Variants in ANKRD30B observed in about 807,000 individuals in gnomAD.
ANKRD30B encodes ankyrin repeat domain-containing protein 30B.
In ANKRD30B, 144 loss-of-function variants were observed where a neutral mutation model predicts 202.2. The observed-to-expected ratio is 0.71, with a 90% CI of 0.62 to 0.82. The LOEUF (loss-of-function observed/expected upper bound fraction) is 0.82. Among genes scored for constraint, ANKRD30B ranks in the 40% least tolerant of loss-of-function variants. ANKRD30B has a pLI of 0.00. For missense variants in ANKRD30B, 1,487 were observed against 1,669.1 expected (o/e 0.89, Z 1.90); for synonymous variants, 508 against 561.3 (o/e 0.91, Z 1.34).
At chr18:14,895,004 C>A in the ANKRD30B span, among the ~76,000 whole-genome samples, 14 of 152,092 alleles carry the variant, frequency 9.2e-5, no homozygotes, top group African/African-American at 3.4e-4. Flanking sequence ...TGGATGCAGC[C>A]GGAGGCCATT....
the ANKRD30B span, among the ~76,000 whole-genome samples, chr18:14,892,482 T>G: frequency 6.6e-6 from 1 of 152,126 alleles, no homozygotes; most frequent in Non-Finnish European, 1.5e-5. Context: ...CTCACACCTG[T>G]AATCCCAGCA....
the ANKRD30B span, among the ~76,000 whole-genome samples, chr18:14,933,347 G>A: frequency 6.6e-6 from 1 of 152,334 alleles, no homozygotes; most frequent in East Asian, 1.9e-4. Flanking sequence ...AGCCCCGGCA[G>A]CTCCTGTCCT....
the ANKRD30B span, chr18:14,905,997 C>T: frequency 6.6e-6 from 1 of 151,846 alleles, no homozygotes; most frequent in Non-Finnish European, 1.5e-5. Context: ...TTTGCTTGGC[C>T]CTGAAGGTGG....
chr18:14,788,584 C>T (rs1018155620), intron 15 of ANKRD30B, among the ~76,000 whole-genome samples: 1 of 152,054 alleles, frequency 6.6e-6, no homozygotes, highest in Admixed American at 6.5e-5. Context: ...GTGATGTTCC[C>T]CTTCCCATGT....
At chr18:14,924,645 G>C in the ANKRD30B span, among the ~76,000 whole-genome samples, 1 of 152,268 alleles carries the variant, frequency 6.6e-6, no homozygotes, top group Admixed American at 6.5e-5. Flanking sequence ...CGAGGTCCAT[G>C]AGGGCCCTGG....
At chr18:14,776,922 T>C (rs900420326) in intron 9 of ANKRD30B, among the ~76,000 whole-genome samples, 3 of 152,234 alleles carry the variant, frequency 2.0e-5, no homozygotes, top group Non-Finnish European at 2.9e-5. Context: ...TACAGAGTTC[T>C]ACTCCTACTC....
chr18:14,854,878 C>T (rs1319897291), downstream of ANKRD30B, among the ~76,000 whole-genome samples: 1 of 150,510 alleles, frequency 6.6e-6, no homozygotes, highest in African/African-American at 2.5e-5. Flanking sequence ...CACACACACA[C>T]ACGCTCTACC....
rs1367878029 is a variant in ANKRD30B, at chr18:14,763,848, T to C, written c.983T>C (p.Phe328Ser). The C allele has an allele frequency of 2.5e-6, 4 of 1,613,146 alleles. No homozygotes were observed. Among genetic ancestry groups the C allele is most frequent in the African/African-American group, 2.7e-5 (2 of 74,858 alleles). ...CTGGGGAAAGCAACATCTGGAAAGT[T>C]TGAACAGTCAACAGAAGAAACACCT... ...QCLGKATSGKFEQSTEETPRK... is the reference protein window; with the variant it reads ...QCLGKATSGKSEQSTEETPRK... The change falls in exon 7 of 44, where the codon TTT becomes TCT. Residue 328 changes from phenylalanine (F) to serine (S), a missense_variant. Physicochemically the swap from Phe to Ser is radical, Grantham distance 155. Coordinates refer to ENST00000690538, the MANE Select transcript of ANKRD30B (RefSeq NM_001367607.2).
At chr18:14,748,772 C>T (rs750120272) in intron 1 of ANKRD30B, 132 bp downstream of exon 1, 28 of 989,384 alleles carry the variant, frequency 2.8e-5, no homozygotes, top group Non-Finnish European at 3.6e-5. Flanking sequence ...ATGGGGCGGC[C>T]GTCCTGGGCC....
chr18:14,788,891 G>C (rs1460547681), intron 15 of ANKRD30B, among the ~76,000 whole-genome samples: 1 of 152,130 alleles, frequency 6.6e-6, no homozygotes, highest in East Asian at 1.9e-4. Flanking sequence ...ATGATTTATA[G>C]TCCTTTGGGT....
chr18:14,853,869 C>A lies in ANKRD30B; in HGVS notation c.4537C>A (p.Leu1513Ile), dbSNP rs1368673048. 6.6e-6 allele frequency among the ~76,000 whole-genome samples: 1 copy of A among 152,154 alleles called. No individual in the cohort carries two copies. The highest frequency in any genetic ancestry group is 1.9e-4 in the East Asian group (1 of 5,196). ...ADLNKQCEAS[L>I]KVTSHSHSLR... is the part of the protein sequence containing the mutation. ...TCTTAATAAACAGTGTGAGGCTTCACTAAAGGTTACATCACATTCTCACTC... is the reference window on the plus strand; with the variant it reads ...TCTTAATAAACAGTGTGAGGCTTCAATAAAGGTTACATCACATTCTCACTC... Residue 1513 changes from leucine to isoleucine, a missense_variant, in exon 43 of 44, where the codon CTA becomes ATA. Leu to Ile is a conservative substitution (Grantham distance 5, BLOSUM62 2). Coordinates refer to ENST00000690538, the MANE Select transcript of ANKRD30B (RefSeq NM_001367607.2).
intron 30 of ANKRD30B, chr18:14,816,282 T>C (rs905972805): frequency 1.3e-5 from 2 of 152,216 alleles, no homozygotes; most frequent in South Asian, 2.1e-4. Context: ...TAAATGTTTG[T>C]AGAATGTTCT....
chr18:14,918,088 G>C, the ANKRD30B span, among the ~76,000 whole-genome samples: 1 of 152,090 alleles, frequency 6.6e-6, no homozygotes, highest in Non-Finnish European at 1.5e-5. Context: ...AGAAGGGTAG[G>C]GGAAGGACTC....
chr18:14,939,990 C>T, the ANKRD30B span, among the ~76,000 whole-genome samples: 2 of 152,102 alleles, frequency 1.3e-5, no homozygotes, highest in South Asian at 2.1e-4. Context: ...ATGTGTATGC[C>T]GGGAAAATTT....
the ANKRD30B span, among the ~76,000 whole-genome samples, chr18:14,930,432 C>G: frequency 1.2e-4 from 19 of 152,272 alleles, no homozygotes; most frequent in Admixed American, 2.6e-4. Flanking sequence ...ACCCACCCCT[C>G]AAATGATTTC....
the ANKRD30B span, among the ~76,000 whole-genome samples, chr18:14,860,200 C>T: frequency 4.9e-5 from 7 of 143,414 alleles, no homozygotes; most frequent in Non-Finnish European, 9.2e-5. Context: ...AGATGATGGG[C>T]AGCAGGAGAA....
At chr18:14,834,338 T>C (rs1971083427) in intron 34 of ANKRD30B, among the ~76,000 whole-genome samples, 2 of 151,996 alleles carry the variant, frequency 1.3e-5, no homozygotes, top group South Asian at 2.1e-4. Context: ...GATACCAACA[T>C]ATTTGTATAA....
chr18:14,883,365 GTCTGTCTCTCTCTC>G, the ANKRD30B span, among the ~76,000 whole-genome samples: 23 of 105,832 alleles, frequency 2.2e-4, no homozygotes, highest in South Asian at 1.5e-3. Flanking sequence ...CTCTCTGTCT[GTCTGTCTCTCTCTC>G]TCTCTCTCTC....
chr18:14,884,597 G>T, the ANKRD30B span, among the ~76,000 whole-genome samples: 1,753 of 151,878 alleles, frequency 0.012, 34 homozygotes, highest in African/African-American at 0.04. Flanking sequence ...AATAAATTTG[G>T]ATAGGCTCTC....
Sources: gnomAD v4.1 joint callset for allele counts (sites outside exome capture counted in the v4.1 genomes callset) on GRCh38, gnomAD v4.1.1 for gene constraint, MANE v1.5 for transcripts, NCBI Gene and HGNC (gene_info 2026-07-23, HGNC 2026-07-21) for gene names.